Variants in DNAJC5B observed in about 807,000 individuals in gnomAD.
DNAJC5B encodes the protein dnaJ homolog subfamily C member 5B.
In DNAJC5B, 23 loss-of-function variants were observed where a neutral mutation model predicts 24.7. The ratio of observed to expected loss-of-function variants is 0.93; its 90% confidence interval spans 0.67 to 1.32. DNAJC5B has a LOEUF of 1.32. Among genes scored for constraint, DNAJC5B ranks in the 40% most tolerant of loss-of-function variants. The pLI, the probability that DNAJC5B is intolerant of heterozygous loss-of-function variation, is 0.00. For missense variants in DNAJC5B, 238 were observed against 240.8 expected (o/e 0.99, Z 0.08); for synonymous variants, 101 against 90.1 (o/e 1.12, Z -0.68).
At chr8:66,093,093 T>A (rs1370706244) in intron 5 of DNAJC5B, among the ~76,000 whole-genome samples, 3 of 152,210 alleles carry the variant, frequency 2.0e-5, no homozygotes, top group Non-Finnish European at 2.9e-5. Context: ...ATTTTCACTG[T>A]TGTATAATAT....
At chr8:66,085,498 G>A (rs578120926) in intron 5 of DNAJC5B, among the ~76,000 whole-genome samples, 6 of 152,110 alleles carry the variant, frequency 3.9e-5, no homozygotes, top group South Asian at 2.1e-4. Context: ...GTGTGAACCC[G>A]GGAGGTGGAG....
chr8:66,070,383 G>T (rs917432809), intron 3 of DNAJC5B, among the ~76,000 whole-genome samples: 9 of 152,142 alleles, frequency 5.9e-5, no homozygotes, highest in Non-Finnish European at 1.3e-4. Flanking sequence ...AAATCAATCT[G>T]CAAAAATCAC....
intron 5 of DNAJC5B, among the ~76,000 whole-genome samples, chr8:66,097,939 T>C (rs1807989220): frequency 6.6e-6 from 1 of 152,000 alleles, no homozygotes; most frequent in Admixed American, 6.5e-5. Context: ...AACCTCCACC[T>C]CCTGGGTTCA....
At chr8:66,071,437 GAC>G (rs1344401107) in intron 3 of DNAJC5B, among the ~76,000 whole-genome samples, 1 of 152,132 alleles carries the variant, frequency 6.6e-6, no homozygotes, top group Non-Finnish European at 1.5e-5. Context: ...GCAGCCAACA[GAC>G]ACATGAAAAA....
chr8:66,078,275 C>T (rs935272501), intron 4 of DNAJC5B, among the ~76,000 whole-genome samples: 1 of 152,136 alleles, frequency 6.6e-6, no homozygotes, highest in African/African-American at 2.4e-5. Flanking sequence ...AAACATAAGA[C>T]CACAGAAAAA....
At chr8:66,042,597 C>CTCT (rs35507342) in intron 1 of DNAJC5B, among the ~76,000 whole-genome samples, 395 of 145,010 alleles carry the variant, frequency 2.7e-3, no homozygotes, top group Middle Eastern at 6.9e-3. Context: ...CTTCTTCTTC[C>CTCT]TCTTCTTCTT....
At chr8:66,083,589 C>T (rs1290700487) in intron 5 of DNAJC5B, among the ~76,000 whole-genome samples, 4 of 152,218 alleles carry the variant, frequency 2.6e-5, no homozygotes, top group Admixed American at 2.6e-4. Flanking sequence ...ACCAGTACTC[C>T]CAGCATTAGA....
At position 66,100,874 on chromosome 8, in the gene DNAJC5B, G is replaced by C. The variant is rs77922825; in HGVS notation, c.*843G>C. ...CCAAAACATGTATCACCTCATTTTT[G>C]TTAAAATTAGTTGCCTTGACCAGAA... On this transcript the variant is annotated 3_prime_UTR_variant, in exon 6 of 6. Transcript: ENST00000276570. Among the ~76,000 whole-genome samples the C allele has an allele frequency of 0.033, 4,952 of 152,188 alleles. 122 individuals are homozygous for C. Among genetic ancestry groups the C allele is most frequent in the Middle Eastern group, 0.075 (22 of 294 alleles).
At chr8:66,054,082 C>T (rs892803799) in intron 3 of DNAJC5B, among the ~76,000 whole-genome samples, 2 of 151,762 alleles carry the variant, frequency 1.3e-5, no homozygotes, top group East Asian at 3.9e-4. Flanking sequence ...AGTTCTTTTA[C>T]TTATTCCTTA....
intron 1 of DNAJC5B, among the ~76,000 whole-genome samples, chr8:66,034,208 G>GTGT (rs1554585814): frequency 6.8e-6 from 1 of 147,306 alleles, no homozygotes. Context: ...GTGTGTGTGT[G>GTGT]ATGTAAGTGG....
chr8:66,052,178 G>A (rs181787068), intron 3 of DNAJC5B, among the ~76,000 whole-genome samples: 417 of 149,132 alleles, frequency 2.8e-3, no homozygotes, highest in South Asian at 9.8e-3. Context: ...GGCTGGTCTC[G>A]AACTCCTGAC....
At chr8:66,016,321 G>A in the DNAJC5B span, among the ~76,000 whole-genome samples, 1 of 152,150 alleles carries the variant, frequency 6.6e-6, no homozygotes, top group African/African-American at 2.4e-5. Context: ...GGAAGTGATT[G>A]GATTATGGAG....
At chr8:66,027,754 C>G (rs1806277723) in intron 1 of DNAJC5B, among the ~76,000 whole-genome samples, 1 of 152,118 alleles carries the variant, frequency 6.6e-6, no homozygotes, top group Non-Finnish European at 1.5e-5. Flanking sequence ...GGAACTGACG[C>G]TATCTCCCTC....
rs1808044651 is a variant in DNAJC5B at position 66,100,132 on chromosome 8, C to T, written c.*101C>T. 8.4e-6 allele frequency: 8 copies of T among 953,706 alleles called. No individual in the cohort carries two copies. The highest frequency in any genetic ancestry group is 1.1e-5 in the Non-Finnish European group (7 of 663,636). 59.1% of individuals were successfully genotyped at this position (953,706 alleles called of 1,614,324 possible). ...GGGGCATAAAGTGCTGTGAACTTTT[C>T]CATCTTGTTGTTTTATTTTTGGGTT... On this transcript the variant is annotated 3_prime_UTR_variant, in exon 6 of 6. Transcript: ENST00000276570.
intron 2 of DNAJC5B, among the ~76,000 whole-genome samples, chr8:66,048,974 C>T (rs915444009): frequency 6.6e-6 from 1 of 152,166 alleles, no homozygotes; most frequent in African/African-American, 2.4e-5. Context: ...TGAGATCCCT[C>T]GTCTGTTTGA....
intron 1 of DNAJC5B, among the ~76,000 whole-genome samples, chr8:66,027,654 T>C (rs564045858): frequency 3.9e-5 from 6 of 152,346 alleles, no homozygotes; most frequent in Admixed American, 2.0e-4. Flanking sequence ...AGTATTTTCG[T>C]CCTTTCAAGT....
At chr8:66,047,798 T>G (rs1257038160) in intron 2 of DNAJC5B, among the ~76,000 whole-genome samples, 1 of 152,196 alleles carries the variant, frequency 6.6e-6, no homozygotes, top group Non-Finnish European at 1.5e-5. Context: ...CAGGGACATT[T>G]AAGTGAATAA....
At chr8:66,068,349 G>T (rs13257752) in intron 3 of DNAJC5B, among the ~76,000 whole-genome samples, 21,325 of 151,834 alleles carry the variant, frequency 0.14, 1,843 homozygotes, top group East Asian at 0.32. Context: ...GAAAATTATG[G>T]AAAGGGATAT....
chr8:66,015,885 A>C, the DNAJC5B span, among the ~76,000 whole-genome samples: 1 of 152,202 alleles, frequency 6.6e-6, no homozygotes, highest in East Asian at 1.9e-4. Context: ...GATTGGTGAG[A>C]GTTTGCAATG....
Sources: gnomAD v4.1 joint callset for allele counts (sites outside exome capture counted in the v4.1 genomes callset) on GRCh38, gnomAD v4.1.1 for gene constraint, MANE v1.5 for transcripts, NCBI Gene and HGNC (gene_info 2026-07-23, HGNC 2026-07-21) for gene names.